Variants in IPO7 observed in about 807,000 individuals in gnomAD.
IPO7 encodes the protein importin-7.
Under a neutral mutation model 136.4 loss-of-function variants are expected in IPO7, and 13 were observed. That is an observed-to-expected ratio of 0.10 (90% CI 0.06 to 0.15). The LOEUF (loss-of-function observed/expected upper bound fraction) is 0.15. IPO7 is among the 10% of genes least tolerant of loss of function. IPO7 has a pLI of 1.00. For missense variants in IPO7, 857 were observed against 1,240.6 expected, an observed-to-expected ratio of 0.69 and a Z score of 4.65; for synonymous variants, 403 against 404.4, an observed-to-expected ratio of 1.00 and a Z score of 0.04.
chr11:9,420,897 C>G (rs1855117472), intron 8 of IPO7, among the ~76,000 whole-genome samples, 199 bp downstream of exon 8: 1 of 151,984 alleles, frequency 6.6e-6, no homozygotes. Context: ...GTGAGTTATA[C>G]CTAGTAATAT....
chr11:9,434,054 G>A (rs1855337274), intron 18 of IPO7, among the ~76,000 whole-genome samples: 2 of 151,754 alleles, frequency 1.3e-5, no homozygotes, highest in African/African-American at 4.8e-5. Flanking sequence ...CTCCCAAGTA[G>A]CTGGGATTAC....
At chr11:9,431,281 G>C (rs997082639) in intron 16 of IPO7, among the ~76,000 whole-genome samples, 1 of 151,922 alleles carries the variant, frequency 6.6e-6, no homozygotes, top group Non-Finnish European at 1.5e-5. Flanking sequence ...ATTTTTCTTA[G>C]TTTTCTTTTT....
At chr11:9,437,710 C>G in intron 20 of IPO7, 44 bp from the exon 21 acceptor site, 1 of 1,349,640 alleles carries the variant, frequency 7.4e-7, no homozygotes, top group Middle Eastern at 2.2e-4. Context: ...TGTTTGCATG[C>G]TATTAATTAT....
At chr11:9,434,028 AT>A (rs1855336731) in intron 18 of IPO7, among the ~76,000 whole-genome samples, 182 bp downstream of exon 18, 1 of 150,044 alleles carries the variant, frequency 6.7e-6, no homozygotes, top group Middle Eastern at 3.2e-3. Flanking sequence ...GGTTCAAGTG[AT>A]TCTCCTGCCT....
chr11:9,409,845 TA>T, intron 3 of IPO7, 82 bp from the exon 4 acceptor site: 1 of 1,008,498 alleles, frequency 9.9e-7, no homozygotes, highest in Non-Finnish European at 1.4e-6. Flanking sequence ...AGATTTTGTC[TA>T]AACAGCTATT....
chr11:9,445,316 A>G lies in IPO7; in HGVS notation c.*122A>G, dbSNP rs1235066086. The G allele has an allele frequency of 1.2e-4, 63 of 504,660 alleles. No individual in the cohort carries two copies. The East Asian group carries it at 2.2e-3, about 18-fold the overall frequency. The allele number at this position is 504,660 out of a possible 1,614,324, so 31.3% of individuals were successfully genotyped here. On this transcript the variant is annotated 3_prime_UTR_variant, in exon 25 of 25. Coordinates refer to ENST00000379719, the MANE Select transcript of IPO7 (RefSeq NM_006391.3). ...AATAATCAATAGATGGACAAAAGAAACAACAACCCCAGGAGATGGGACCTG... is the reference window on the plus strand; with the variant it reads ...AATAATCAATAGATGGACAAAAGAAGCAACAACCCCAGGAGATGGGACCTG...
In IPO7 at chr11:9,447,819, C is replaced by T. The variant is rs1249154595; in HGVS notation, c.*2625C>T. The T allele has an allele frequency of 6.6e-6, 1 of 151,894 alleles. No individual in the cohort carries two copies. The highest frequency in any genetic ancestry group is 2.4e-5 in the African/African-American group (1 of 41,342). The allele number at this position is 151,894 out of a possible 1,614,324, so 9.4% of individuals were successfully genotyped here. On this transcript the variant is annotated 3_prime_UTR_variant, in exon 25 of 25. Transcript: ENST00000379719. ...TAAAGGAAGTTAATCTGTTTCTCTG[C>T]AGGTAATAAAATAGTGACACACTGT...
At position 9,445,101 on chromosome 11, in the gene IPO7, C is replaced by G; in HGVS notation, c.3024C>G (p.Ser1008=). The G allele has an allele frequency of 6.2e-7, 1 of 1,606,134 alleles. No homozygotes were observed. The highest frequency in any genetic ancestry group is 8.5e-7 in the Non-Finnish European group (1 of 1,173,188). The stretch of plus-strand genomic sequence containing the variant: ...AAAATTTTATTTGTTTTCTAGAATC[C>G]AAAATGATTGAGAAGCATGGAGGAT... The part of the protein sequence containing the change: ...LADQRRAAHE[S]KMIEKHGGYK... The change falls in exon 25 of 25, where the codon TCC becomes TCG. Residue 1008 remains serine, a synonymous_variant. Transcript: ENST00000379719.
intron 20 of IPO7, among the ~76,000 whole-genome samples, chr11:9,436,695 T>A (rs1855373627): frequency 6.7e-6 from 1 of 149,992 alleles, no homozygotes; most frequent in Admixed American, 6.7e-5. Flanking sequence ...GTTTTTTGTT[T>A]TTTTTGAGTG....
intron 6 of IPO7, among the ~76,000 whole-genome samples, chr11:9,417,781 C>T (rs1364421339): frequency 6.7e-6 from 1 of 150,344 alleles, no homozygotes; most frequent in Non-Finnish European, 1.5e-5. Flanking sequence ...GGCGCAATCT[C>T]GGCTCACTGC....
At position 9,425,209 on chromosome 11, in the gene IPO7, A is replaced by C; in HGVS notation, c.1282A>C (p.Lys428Gln). ...ILTEPNADPR[K>Q]KDGALHMIGS... ...TACAGAACCAAATGCTGACCCTCGA[A>C]AAAAAGATGGAGCCCTGCATATGAT... Residue 428 changes from lysine to glutamine, a missense_variant, in exon 12 of 25, where the codon AAA becomes CAA. Lys to Gln is a moderately conservative substitution (Grantham distance 53). Transcript: ENST00000379719. 1 of 1,612,530 alleles carries C rather than the reference A, an allele frequency of 6.2e-7. No individual in the cohort carries two copies. Among genetic ancestry groups the C allele is most frequent in the Non-Finnish European group, 8.5e-7 (1 of 1,179,368 alleles).
At chr11:9,389,584 A>C (rs1309514038) in intron 1 of IPO7, among the ~76,000 whole-genome samples, 1 of 152,166 alleles carries the variant, frequency 6.6e-6, no homozygotes, top group East Asian at 1.9e-4. Flanking sequence ...TTGGATGACG[A>C]AACTATTAGA....
At chr11:9,433,682 G>A in intron 17 of IPO7, 39 bp from the exon 18 acceptor site, 2 of 1,612,850 alleles carry the variant, frequency 1.2e-6, no homozygotes, top group Non-Finnish European at 1.7e-6. Flanking sequence ...TATTTCACAT[G>A]AGCAAGCATT....
chr11:9,417,801 C>T (rs557755665), intron 6 of IPO7, among the ~76,000 whole-genome samples: 4 of 151,584 alleles, frequency 2.6e-5, no homozygotes, highest in African/African-American at 9.7e-5. Context: ...CAACCTCCGC[C>T]TCCCAGGTTC....
intron 2 of IPO7, among the ~76,000 whole-genome samples, chr11:9,406,891 T>C (rs1038532678): frequency 4.6e-5 from 7 of 151,956 alleles, no homozygotes; most frequent in Admixed American, 1.3e-4. Context: ...AAAAAAAAAT[T>C]ATGTTCTTGG....
At chr11:9,404,955 GAA>G (rs988823329) in intron 2 of IPO7, among the ~76,000 whole-genome samples, 3 of 152,084 alleles carry the variant, frequency 2.0e-5, no homozygotes, top group African/African-American at 7.2e-5. Flanking sequence ...AATTTAGTCT[GAA>G]GTCTGTTTTG....
chr11:9,404,600 C>T (rs537451684), intron 2 of IPO7, among the ~76,000 whole-genome samples: 3 of 124,676 alleles, frequency 2.4e-5, no homozygotes, highest in East Asian at 4.8e-4. Flanking sequence ...GAGTCTCGCT[C>T]TGTTGCCCAG....
chr11:9,439,575 G>GT lies in IPO7; in HGVS notation c.2696-871dup, dbSNP rs535749595. On this transcript the variant is annotated intron_variant, in intron 22 of 24. Coordinates refer to ENST00000379719, the MANE Select transcript of IPO7 (RefSeq NM_006391.3). The stretch of plus-strand genomic sequence containing the variant: ...AGATTTATGGGGGTTTTTTTTGTTT[G>GT]TTTTTTTTTGTTGTTGTTGTTGAGA... 1.9e-3 allele frequency among the ~76,000 whole-genome samples: 279 copies of GT among 150,218 alleles called. 1 individual carries two copies. The highest frequency in any genetic ancestry group is 1.0e-2 in the East Asian group (51 of 5,108).
At chr11:9,410,367 G>A (rs1854951700) in intron 4 of IPO7, among the ~76,000 whole-genome samples, 1 of 152,152 alleles carries the variant, frequency 6.6e-6, no homozygotes, top group East Asian at 1.9e-4. Context: ...CTCAATGTGT[G>A]CTGATAAAAG....
Sources: gnomAD v4.1 joint callset for allele counts (sites outside exome capture counted in the v4.1 genomes callset) on GRCh38, gnomAD v4.1.1 for gene constraint, MANE v1.5 for transcripts, NCBI Gene and HGNC (gene_info 2026-07-23, HGNC 2026-07-21) for gene names.